Variants in SEMA3C observed in about 807,000 individuals in gnomAD.
SEMA3C encodes the protein semaphorin-3C.
Under a neutral mutation model 89.4 loss-of-function variants are expected in SEMA3C, and 47 were observed. That is an observed-to-expected ratio of 0.53 (90% CI 0.42 to 0.67). The LOEUF (loss-of-function observed/expected upper bound fraction) is 0.67, where lower values mean the gene tolerates loss of function less well. SEMA3C is among the 30% of genes least tolerant of loss of function. The pLI is 0.00. For synonymous variants in SEMA3C, 310 were observed against 320.2 expected (o/e 0.97, Z 0.34); for missense variants, 839 against 929.1 (o/e 0.90, Z 1.26).
intron 6 of SEMA3C, among the ~76,000 whole-genome samples, chr7:80,807,230 C>T (rs1789362913): frequency 1.3e-5 from 2 of 152,124 alleles, no homozygotes; most frequent in African/African-American, 2.4e-5. Context: ...ATTATACATT[C>T]CTGCTGTTCA....
At chr7:80,846,515 C>T (rs1790394208) in intron 2 of SEMA3C, among the ~76,000 whole-genome samples, 2 of 152,118 alleles carry the variant, frequency 1.3e-5, no homozygotes, top group South Asian at 2.1e-4. Flanking sequence ...CAACACCATG[C>T]CTGGCCAATT....
At chr7:80,811,341 A>G (rs1789464464) in intron 5 of SEMA3C, among the ~76,000 whole-genome samples, 1 of 152,158 alleles carries the variant, frequency 6.6e-6, no homozygotes, top group Non-Finnish European at 1.5e-5. Context: ...GAAAGGTAAT[A>G]AATAATTAAA....
chr7:80,869,037 T>G (rs558613439), intron 2 of SEMA3C, among the ~76,000 whole-genome samples: 1 of 152,208 alleles, frequency 6.6e-6, no homozygotes, highest in Non-Finnish European at 1.5e-5. Context: ...GAGCATAATA[T>G]GCCTTACATA....
At chr7:80,778,288 C>A (rs1200507569) in intron 12 of SEMA3C, among the ~76,000 whole-genome samples, 2 of 152,256 alleles carry the variant, frequency 1.3e-5, no homozygotes, top group African/African-American at 4.8e-5. Flanking sequence ...ATTTTAATTT[C>A]AGATAAACTG....
intron 2 of SEMA3C, among the ~76,000 whole-genome samples, chr7:80,873,342 CAGATGTTTCGA>C (rs1206405216): frequency 6.6e-6 from 1 of 152,146 alleles, no homozygotes; most frequent in Non-Finnish European, 1.5e-5. Flanking sequence ...ATCTGTCTTG[CAGATGTTTCGA>C]GTTTGTTTGC....
intron 12 of SEMA3C, among the ~76,000 whole-genome samples, chr7:80,780,814 G>A (rs1057090762): frequency 1.4e-4 from 21 of 152,132 alleles, no homozygotes; most frequent in African/African-American, 4.1e-4. Flanking sequence ...AGCCCAGGGT[G>A]CAGAGATTGC....
chr7:80,755,753 A>G (rs1162458666), intron 15 of SEMA3C, among the ~76,000 whole-genome samples: 2 of 152,124 alleles, frequency 1.3e-5, no homozygotes, highest in African/African-American at 4.8e-5. Context: ...GGCAGTGAAA[A>G]ACAAATATGG....
At chr7:80,901,528 G>T (rs1020526744) in intron 2 of SEMA3C, among the ~76,000 whole-genome samples, 1 of 152,106 alleles carries the variant, frequency 6.6e-6, no homozygotes, top group African/African-American at 2.4e-5. Context: ...AAAACTTACC[G>T]CCAAGTGCTA....
chr7:80,774,856 T>C (rs1648890604), intron 12 of SEMA3C, among the ~76,000 whole-genome samples: 1 of 151,944 alleles, frequency 6.6e-6, no homozygotes, highest in African/African-American at 2.4e-5. Flanking sequence ...ATTACAGATA[T>C]AAGGATTCAT....
intron 10 of SEMA3C, among the ~76,000 whole-genome samples, chr7:80,800,551 C>A (rs916449745): frequency 2.0e-5 from 3 of 152,094 alleles, no homozygotes; most frequent in African/African-American, 7.2e-5. Context: ...GCAATCATTA[C>A]AAATACTCTC....
Position 80,800,837 on chromosome 7 carries a change from GA to G in SEMA3C, c.917-12del. 6.7e-7 allele frequency: 1 copy of G among 1,487,468 alleles called. No homozygotes were observed. Among genetic ancestry groups the G allele is most frequent in the Non-Finnish European group, 8.9e-7 (1 of 1,117,924 alleles). 92.1% of individuals were successfully genotyped at this position (1,487,468 alleles called of 1,614,324 possible). ...GCAGAAACACATCCTCTATAAAAAG[GA>G]AAATATTCTTTTAAAGTTTCTAAAT... On this transcript the variant is annotated splice_polypyrimidine_tract_variant and intron_variant, in intron 9 of 17. Transcript: ENST00000265361.
intron 12 of SEMA3C, among the ~76,000 whole-genome samples, chr7:80,770,537 T>A (rs945458017): frequency 6.6e-6 from 1 of 152,262 alleles, no homozygotes; most frequent in Non-Finnish European, 1.5e-5. Flanking sequence ...ATAATAACCA[T>A]GCTTTTCATA....
intron 2 of SEMA3C, chr7:80,847,373 CA>C (rs1790414492): frequency 6.6e-6 from 1 of 152,110 alleles, no homozygotes; most frequent in African/African-American, 2.4e-5. Context: ...AGTAAATTTC[CA>C]GGTAAATAAA....
chr7:80,897,974 C>G (rs1279056165), intron 2 of SEMA3C, among the ~76,000 whole-genome samples: 1 of 152,142 alleles, frequency 6.6e-6, no homozygotes, highest in Admixed American at 6.5e-5. Flanking sequence ...TATTAAAACT[C>G]TTGCCAATTG....
intron 2 of SEMA3C, among the ~76,000 whole-genome samples, chr7:80,853,315 T>A (rs1790561060): frequency 6.6e-6 from 1 of 152,106 alleles, no homozygotes; most frequent in South Asian, 2.1e-4. Flanking sequence ...TCATCTGCAC[T>A]CCCATGTATA....
At chr7:80,754,335 A>T (rs1212998506) in intron 15 of SEMA3C, among the ~76,000 whole-genome samples, 1 of 152,186 alleles carries the variant, frequency 6.6e-6, no homozygotes, top group Non-Finnish European at 1.5e-5. Context: ...TTCCAAGTAT[A>T]ACTGTATTTC....
In SEMA3C at chr7:80,770,604, T is replaced by G. The variant is rs144129026; in HGVS notation, c.1355-5361A>C. Among the ~76,000 whole-genome samples, 1,148 of 152,378 alleles carry G rather than the reference T, an allele frequency of 7.5e-3. 12 individuals are homozygous for G. The highest frequency in any genetic ancestry group is 0.026 in the African/African-American group (1,063 of 41,594). On this transcript the variant is annotated intron_variant, in intron 12 of 17. Coordinates refer to ENST00000265361, the MANE Select transcript of SEMA3C (RefSeq NM_006379.5). ...TAAAGCCTAGCCAGAATCACTTCCC[T>G]TCTTTTGGCACTAACACCCTGACAC...
intron 5 of SEMA3C, among the ~76,000 whole-genome samples, chr7:80,811,011 A>G (rs1363315815): frequency 6.6e-6 from 1 of 152,174 alleles, no homozygotes; most frequent in Non-Finnish European, 1.5e-5. Context: ...AATCTCAACT[A>G]GATGCGTTGA....
chr7:80,810,778 G>C (rs1789450610), intron 5 of SEMA3C, 77 bp from the exon 6 acceptor site: 4 of 1,123,464 alleles, frequency 3.6e-6, no homozygotes, highest in South Asian at 1.3e-5. Context: ...GTAAAACAAA[G>C]CATCATTAAA....
Sources: gnomAD v4.1 joint callset for allele counts (sites outside exome capture counted in the v4.1 genomes callset) on GRCh38, gnomAD v4.1.1 for gene constraint, MANE v1.5 for transcripts, NCBI Gene and HGNC (gene_info 2026-07-23, HGNC 2026-07-21) for gene names.